Variants in ADARB1 observed in about 807,000 individuals in gnomAD.
ADARB1 encodes the protein double-stranded RNA-specific editase 1.
Under a neutral mutation model 52.4 loss-of-function variants are expected in ADARB1, and 10 were observed. The ratio of observed to expected loss-of-function variants is 0.19; its 90% CI spans 0.12 to 0.32. The LOEUF (loss-of-function observed/expected upper bound fraction) is 0.32. Ranked by LOEUF, ADARB1 falls within the 10% of genes least tolerant of loss-of-function variation. ADARB1 has a pLI of 1.00. For synonymous variants in ADARB1, 349 were observed against 371.1 expected, an observed-to-expected ratio of 0.94 and a Z score of 0.68; for missense variants, 643 against 922.3, an observed-to-expected ratio of 0.70 and a Z score of 3.92.
intron 1 of ADARB1, among the ~76,000 whole-genome samples, chr21:45,079,389 C>T (rs2086067444): frequency 6.6e-6 from 1 of 152,196 alleles, no homozygotes; most frequent in Non-Finnish European, 1.5e-5. Flanking sequence ...TCTGAAATTT[C>T]TTCACATCTA....
At chr21:45,148,552 C>T (rs1215281813) in intron 2 of ADARB1, among the ~76,000 whole-genome samples, 1 of 152,152 alleles carries the variant, frequency 6.6e-6, no homozygotes, top group Non-Finnish European at 1.5e-5. Flanking sequence ...TGTGACAAGG[C>T]GACTCTGGCT....
At chr21:45,164,089 T>C (rs952973260) in intron 2 of ADARB1, among the ~76,000 whole-genome samples, 2 of 152,204 alleles carry the variant, frequency 1.3e-5, no homozygotes, top group African/African-American at 4.8e-5. Context: ...TTCCTTCTGG[T>C]GAAGACCAAC....
At chr21:45,079,709 CCTGA>C (rs1434697481) in intron 1 of ADARB1, among the ~76,000 whole-genome samples, 4 of 152,130 alleles carry the variant, frequency 2.6e-5, no homozygotes, top group East Asian at 1.9e-4. Context: ...TAAAATAGTA[CCTGA>C]CTAACAGTAT....
At position 45,223,020 on chromosome 21, in the gene ADARB1, A is replaced by T; in HGVS notation, c.*823A>T. The T allele has an allele frequency of 1.0e-6, 1 of 985,468 alleles. No individual in the cohort carries two copies. The highest frequency in any genetic ancestry group is 1.7e-5 in the African/African-American group (1 of 57,374). The allele number at this position is 985,468 out of a possible 1,614,324, so 61.0% of individuals were successfully genotyped here. ...CAGATAATACATGGCCAGTAATCCC[A>T]GGCTGGCCATTCATTCAGGTTTTTT... is the stretch of plus-strand genomic sequence containing the variant. On this transcript the variant is annotated 3_prime_UTR_variant, in exon 11 of 11. Coordinates refer to ENST00000348831, the MANE Select transcript of ADARB1 (RefSeq NM_001112.4).
At chr21:45,164,434 C>A (rs1049294325) in intron 2 of ADARB1, among the ~76,000 whole-genome samples, 3 of 151,792 alleles carry the variant, frequency 2.0e-5, no homozygotes, top group African/African-American at 7.3e-5. Flanking sequence ...GTGGAGGAGA[C>A]CGAGCCTGCC....
At chr21:45,183,077 G>T (rs984320856) in intron 6 of ADARB1, among the ~76,000 whole-genome samples, 2 of 152,196 alleles carry the variant, frequency 1.3e-5, no homozygotes, top group African/African-American at 4.8e-5. Flanking sequence ...TTTCTAGAAA[G>T]AGCTAGTCAT....
At chr21:45,136,296 A>G (rs909736260) in intron 2 of ADARB1, among the ~76,000 whole-genome samples, 5 of 152,146 alleles carry the variant, frequency 3.3e-5, no homozygotes, top group South Asian at 2.1e-4. Flanking sequence ...GCTCTACATG[A>G]TGGGTGGGGA....
In ADARB1 at chr21:45,222,319, C is replaced by T; in HGVS notation, c.*122C>T. ...GGAGGGAGTAGGGGGACACGGGGGA[C>T]CACCAGGTGTCCACGGTTGTCCCCA... On this transcript the variant is annotated 3_prime_UTR_variant, in exon 11 of 11. Coordinates refer to ENST00000348831, the MANE Select transcript of ADARB1 (RefSeq NM_001112.4). The T allele has an allele frequency of 1.4e-6, 2 of 1,407,700 alleles. No homozygotes were observed. The highest frequency in any genetic ancestry group is 5.4e-5 in the East Asian group (2 of 36,814). 87.2% of individuals were successfully genotyped at this position (1,407,700 alleles called of 1,614,324 possible).
intron 9 of ADARB1, among the ~76,000 whole-genome samples, chr21:45,211,482 A>G (rs1207613634): frequency 1.3e-5 from 2 of 152,212 alleles, no homozygotes; most frequent in African/African-American, 4.8e-5. Context: ...TGAATGTCTG[A>G]TAGTTTCTAT....
At chr21:45,091,030 A>G (rs143187977) in intron 1 of ADARB1, among the ~76,000 whole-genome samples, 1 of 152,276 alleles carries the variant, frequency 6.6e-6, no homozygotes, top group Non-Finnish European at 1.5e-5. Context: ...TCAACTTCAT[A>G]TAAACTGACA....
rs574797961 is a variant in ADARB1, at chr21:45,180,255, C to T, written c.964-75C>T. ...CTGTGTCACTCCATAAGGGAGAGTG[C>T]GTGCAGCATTGAGAGAGTGAGCCCT... On this transcript the variant is annotated intron_variant, in intron 4 of 10. Transcript: ENST00000348831. 7.0e-5 allele frequency: 71 copies of T among 1,015,718 alleles called. 1 individual carries two copies. Among genetic ancestry groups the T allele is most frequent in the South Asian group, 4.5e-4 (33 of 73,854 alleles). 62.9% of individuals were successfully genotyped at this position (1,015,718 alleles called of 1,614,324 possible).
chr21:45,152,470 A>G (rs2090341727), intron 2 of ADARB1: 1 of 239,444 alleles, frequency 4.2e-6, no homozygotes, highest in Admixed American at 5.2e-5. Flanking sequence ...CCCGAGGCAG[A>G]GGAGGAGGCT....
rs570200498 is a variant in ADARB1 at position 45,141,818 on chromosome 21, G to C, written c.-48+13245G>C. Among the ~76,000 whole-genome samples the C allele has an allele frequency of 2.0e-5, 3 of 151,836 alleles. No homozygotes were observed. In the East Asian group the frequency reaches 5.8e-4, roughly 29 times the overall value. On this transcript the variant is annotated intron_variant, in intron 2 of 10. Coordinates refer to ENST00000348831, the MANE Select transcript of ADARB1 (RefSeq NM_001112.4). ...CGCCTGGGCCATGTTAACTACCACA[G>C]GATCACCTTAGCATCCCTGGGTCGC...
rs1488297786 is a variant in ADARB1, at chr21:45,224,169, G to C, written c.*1972G>C. The C allele has an allele frequency of 1.0e-6, 1 of 985,336 alleles. No homozygotes were observed. The highest frequency in any genetic ancestry group is 1.2e-6 in the Non-Finnish European group (1 of 829,968). The allele number at this position is 985,336 out of a possible 1,614,324, so 61.0% of individuals were successfully genotyped here. On this transcript the variant is annotated 3_prime_UTR_variant, in exon 11 of 11. Transcript: ENST00000348831. ...TGTATTTTTTTCTAATGGGGATTGGGAGATGGACTTCGTTTTTAAAAATAT... is the reference window on the plus strand; with the variant it reads ...TGTATTTTTTTCTAATGGGGATTGGCAGATGGACTTCGTTTTTAAAAATAT...
chr21:45,170,675 A>G (rs2091444670), intron 2 of ADARB1, among the ~76,000 whole-genome samples: 1 of 152,002 alleles, frequency 6.6e-6, no homozygotes, highest in African/African-American at 2.4e-5. Context: ...AGAGCAATGA[A>G]TTTGCCTTTT....
Position 45,223,366 on chromosome 21 carries a change from G to C in ADARB1, c.*1169G>C. The C allele has an allele frequency of 1.0e-6, 1 of 985,588 alleles. No individual in the cohort carries two copies. The allele number at this position is 985,588 out of a possible 1,614,324, so 61.1% of individuals were successfully genotyped here. A position where few individuals can be genotyped will look rare whatever the true frequency, so the allele number is the denominator to read the frequency against. Reference sequence around the variant, plus strand: ...TGACGGGAGCTCAGGGCTGCCCAGCGCCCAGCGTGCACGGGACGGCCCCAC... The same window carrying C: ...TGACGGGAGCTCAGGGCTGCCCAGCCCCCAGCGTGCACGGGACGGCCCCAC... On this transcript the variant is annotated 3_prime_UTR_variant, in exon 11 of 11. Coordinates refer to ENST00000348831, the MANE Select transcript of ADARB1 (RefSeq NM_001112.4).
At chr21:45,189,673 TTTC>T (rs2092224578) in intron 8 of ADARB1, among the ~76,000 whole-genome samples, 1 of 152,198 alleles carries the variant, frequency 6.6e-6, no homozygotes, top group South Asian at 2.1e-4. Flanking sequence ...AAAGTCTTAA[TTTC>T]TTCTTCATTT....
chr21:45,129,640 C>T lies in ADARB1; in HGVS notation c.-48+1067C>T, dbSNP rs192579793. ...ACAGCCGTGCTCCCGCCTGGGAGTT[C>T]GGGATGGCATGCAGAGCTGTGGGGA... is the stretch of plus-strand genomic sequence containing the variant. On this transcript the variant is annotated intron_variant, in intron 2 of 10. Coordinates refer to ENST00000348831, the MANE Select transcript of ADARB1 (RefSeq NM_001112.4). Among the ~76,000 whole-genome samples the T allele has an allele frequency of 3.2e-3, 481 of 152,306 alleles. 4 individuals are homozygous for T. Among genetic ancestry groups the T allele is most frequent in the Middle Eastern group, 0.014 (4 of 294 alleles).
chr21:45,102,008 C>G (rs2123735666), intron 1 of ADARB1, among the ~76,000 whole-genome samples: 1 of 152,320 alleles, frequency 6.6e-6, no homozygotes, highest in East Asian at 1.9e-4. Flanking sequence ...CCTCAGCCTC[C>G]TGAGTAGCTG....
Sources: allele counts gnomAD v4.1 joint callset (sites outside exome capture counted in the v4.1 genomes callset), GRCh38; gene constraint gnomAD v4.1.1; transcripts MANE v1.5; gene names NCBI Gene and HGNC (gene_info 2026-07-23, HGNC 2026-07-21).